Variants in ITGBL1 observed in about 807,000 individuals in gnomAD.
The protein encoded by ITGBL1 is integrin subunit beta like 1.
A neutral mutation model predicts 68.5 loss-of-function variants in ITGBL1; 51 were observed. That is an observed-to-expected ratio of 0.74 (90% confidence interval 0.59 to 0.94). ITGBL1 has a LOEUF of 0.94. Ranked by LOEUF, ITGBL1 falls within the 40% of genes least tolerant of loss-of-function variation. The pLI is 0.00. For missense variants in ITGBL1, 649 were observed against 647.4 expected (o/e 1.00, Z -0.03); for synonymous variants, 209 against 227.3 (o/e 0.92, Z 0.72).
chr13:101,498,956 A>T (rs2048898707), intron 2 of ITGBL1, among the ~76,000 whole-genome samples: 1 of 152,122 alleles, frequency 6.6e-6, no homozygotes, highest in Non-Finnish European at 1.5e-5. Context: ...AGCCCCTTAT[A>T]AAACCATCAG....
intron 2 of ITGBL1, among the ~76,000 whole-genome samples, chr13:101,525,884 G>A (rs2139145920): frequency 6.6e-6 from 1 of 151,872 alleles, no homozygotes. Context: ...TTGATATGTG[G>A]TACCTCAAGA....
chr13:101,581,540 G>A (rs369969107), intron 5 of ITGBL1, among the ~76,000 whole-genome samples: 19 of 151,910 alleles, frequency 1.3e-4, no homozygotes, highest in East Asian at 9.7e-4. Context: ...CATACTGCAC[G>A]TGCTGATTTG....
chr13:101,662,101 C>A (rs941383486), intron 7 of ITGBL1, among the ~76,000 whole-genome samples: 34 of 152,126 alleles, frequency 2.2e-4, no homozygotes, highest in African/African-American at 7.7e-4. Flanking sequence ...GCCTTCATTT[C>A]ATTGTCTGAA....
chr13:101,698,274 T>C (rs192686944), intron 8 of ITGBL1, among the ~76,000 whole-genome samples: 1 of 152,196 alleles, frequency 6.6e-6, no homozygotes. Context: ...AGCAAATAAG[T>C]AAGATAAAAA....
At chr13:101,529,047 G>T (rs2049428830) in intron 2 of ITGBL1, among the ~76,000 whole-genome samples, 1 of 151,752 alleles carries the variant, frequency 6.6e-6, no homozygotes, top group South Asian at 2.1e-4. Flanking sequence ...GGGAAAAATA[G>T]AAATGAAAGA....
intron 9 of ITGBL1, chr13:101,713,053 G>A (rs1441632498): frequency 6.6e-6 from 1 of 152,210 alleles, no homozygotes; most frequent in African/African-American, 2.4e-5. Context: ...TACGCAAGAA[G>A]TTAAAAAACA....
At chr13:101,534,287 G>A (rs1293949004) in intron 2 of ITGBL1, among the ~76,000 whole-genome samples, 1 of 152,066 alleles carries the variant, frequency 6.6e-6, no homozygotes, top group African/African-American at 2.4e-5. Flanking sequence ...GGGAAGGAAA[G>A]GATAAAACAA....
intron 8 of ITGBL1, among the ~76,000 whole-genome samples, chr13:101,696,439 T>C (rs923815990): frequency 1.3e-5 from 2 of 152,130 alleles, no homozygotes; most frequent in Admixed American, 6.5e-5. Context: ...TCTTGAAAAA[T>C]TGGTTTCTTC....
chr13:101,665,783 G>T (rs905818905), intron 7 of ITGBL1, among the ~76,000 whole-genome samples: 3 of 151,886 alleles, frequency 2.0e-5, no homozygotes, highest in African/African-American at 7.3e-5. Context: ...ATGAAGGGAG[G>T]GTTCTTATGC....
intron 7 of ITGBL1, among the ~76,000 whole-genome samples, chr13:101,646,011 C>T (rs2032544582): frequency 1.3e-5 from 2 of 152,142 alleles, no homozygotes; most frequent in Non-Finnish European, 2.9e-5. Context: ...TGTTCTCTGC[C>T]TAATGAAAGC....
At chr13:101,476,427 GA>G (rs2048537613) in intron 2 of ITGBL1, among the ~76,000 whole-genome samples, 1 of 151,874 alleles carries the variant, frequency 6.6e-6, no homozygotes, top group African/African-American at 2.4e-5. Context: ...AAGAAAGAAG[GA>G]AAGATGACAA....
intron 7 of ITGBL1, among the ~76,000 whole-genome samples, chr13:101,682,300 T>A (rs2033661907): frequency 6.6e-6 from 1 of 152,170 alleles, no homozygotes; most frequent in Non-Finnish European, 1.5e-5. Context: ...GTCTTATACT[T>A]TAGATATACT....
rs180694602 is a variant in ITGBL1 at position 101,541,809 on chromosome 13, T to A, written c.317-25890T>A. ...GAGGATGTATGTGTCGAGGAATTTA[T>A]CCATTTCTTCTAGATTTTCTAGTAT... On this transcript the variant is annotated intron_variant, in intron 2 of 10. Transcript: ENST00000376180. Among the ~76,000 whole-genome samples, 398 of 152,324 alleles carry A rather than the reference T, an allele frequency of 2.6e-3. 5 individuals carry two copies. Among genetic ancestry groups the A allele is most frequent in the Non-Finnish European group, 5.7e-4 (39 of 68,018 alleles).
At chr13:101,655,320 T>C (rs1319332193) in intron 7 of ITGBL1, among the ~76,000 whole-genome samples, 2 of 152,164 alleles carry the variant, frequency 1.3e-5, no homozygotes, top group African/African-American at 4.8e-5. Context: ...GTGGACATAT[T>C]GCAAAAAGCA....
chr13:101,596,588 C>T (rs897752498), intron 6 of ITGBL1, among the ~76,000 whole-genome samples: 1 of 152,084 alleles, frequency 6.6e-6, no homozygotes, highest in African/African-American at 2.4e-5. Flanking sequence ...CTCAATAAAT[C>T]TTGGGGAAGA....
chr13:101,556,001 A>G (rs1011489918), intron 2 of ITGBL1, among the ~76,000 whole-genome samples: 2 of 152,196 alleles, frequency 1.3e-5, no homozygotes, highest in African/African-American at 4.8e-5. Flanking sequence ...TGTTAGGGCA[A>G]CCTGCTCTCC....
intron 7 of ITGBL1, among the ~76,000 whole-genome samples, chr13:101,653,565 A>G (rs1474931117): frequency 1.3e-5 from 2 of 152,238 alleles, no homozygotes; most frequent in African/African-American, 2.4e-5. Context: ...CTTTAAGTGC[A>G]TACATTTTAA....
intron 7 of ITGBL1, among the ~76,000 whole-genome samples, chr13:101,632,293 A>G (rs1387783492): frequency 1.3e-5 from 2 of 152,166 alleles, no homozygotes. Flanking sequence ...CTTGGCTAGT[A>G]ATCACTTGGA....
At chr13:101,548,320 G>A (rs2049862340) in intron 2 of ITGBL1, among the ~76,000 whole-genome samples, 1 of 151,812 alleles carries the variant, frequency 6.6e-6, no homozygotes, top group South Asian at 2.1e-4. Context: ...AATGGTGTCA[G>A]TACAAAAGAG....
Sources: gnomAD v4.1 joint callset for allele counts (sites outside exome capture counted in the v4.1 genomes callset) on GRCh38, gnomAD v4.1.1 for gene constraint, MANE v1.5 for transcripts, NCBI Gene and HGNC (gene_info 2026-07-23, HGNC 2026-07-21) for gene names.